The following MYRFL variants were observed in gnomAD, a reference collection of about 807,000 sequenced individuals.
The protein encoded by MYRFL is myelin regulatory factor-like protein.
Under a neutral mutation model 109.4 loss-of-function variants are expected in MYRFL, and 88 were observed. The observed-to-expected ratio is 0.80, with a 90% CI of 0.68 to 0.96. The LOEUF is 0.96. Ranked by LOEUF, MYRFL falls within the 40% of genes least tolerant of loss-of-function variation. The pLI is 0.00. For missense variants in MYRFL, 957 were observed against 954.9 expected (o/e 1.00, Z -0.03); for synonymous variants, 324 against 320.9 (o/e 1.01, Z -0.10).
chr12:69,903,011 T>C (rs766681871), intron 10 of MYRFL, among the ~76,000 whole-genome samples: 9 of 152,342 alleles, frequency 5.9e-5, no homozygotes, highest in Admixed American at 2.0e-4. Flanking sequence ...TCAGTGTCAA[T>C]AAAATGAGGA....
At chr12:69,936,671 C>A (rs753472806) in intron 19 of MYRFL, 39 bp downstream of exon 19, 3 of 1,435,826 alleles carry the variant, frequency 2.1e-6, no homozygotes, top group Non-Finnish European at 2.7e-6. Context: ...GAGCTTTGAA[C>A]TTGAGGTTGT....
At chr12:69,904,016 ATTGT>A in intron 11 of MYRFL, 172 bp downstream of exon 11, 1 of 573,734 alleles carries the variant, frequency 1.7e-6, no homozygotes, top group East Asian at 3.0e-5. Flanking sequence ...CTCTGCTGAA[ATTGT>A]AAAGCAGTTC....
chr12:69,874,370 G>A (rs1885532512), intron 2 of MYRFL, among the ~76,000 whole-genome samples: 1 of 152,044 alleles, frequency 6.6e-6, no homozygotes, highest in African/African-American at 2.4e-5. Flanking sequence ...TAGAAACAGG[G>A]TCTTCCCATG....
chr12:69,872,176 C>T (rs1885393076), intron 2 of MYRFL, among the ~76,000 whole-genome samples: 1 of 152,130 alleles, frequency 6.6e-6, no homozygotes, highest in Non-Finnish European at 1.5e-5. Context: ...ATTTTGAAGT[C>T]AGTTTTAGCT....
intron 13 of MYRFL, among the ~76,000 whole-genome samples, chr12:69,923,351 G>A (rs1453481945): frequency 6.6e-6 from 1 of 152,160 alleles, no homozygotes; most frequent in South Asian, 2.1e-4. Context: ...CTACAATGAG[G>A]AGTCTTCATG....
intron 19 of MYRFL, among the ~76,000 whole-genome samples, chr12:69,940,733 A>T (rs1457140880): frequency 1.4e-5 from 2 of 147,478 alleles, no homozygotes; most frequent in Non-Finnish European, 3.0e-5. Context: ...AAAGACACAG[A>T]CTGGCAAATT....
chr12:69,862,102 A>G (rs1226590169), intron 2 of MYRFL, among the ~76,000 whole-genome samples: 18 of 147,084 alleles, frequency 1.2e-4, no homozygotes, highest in African/African-American at 3.3e-4. Context: ...TGTTCCATTG[A>G]TCTATATCTC....
At chr12:69,891,645 C>CTTTCTTTCTTTCTTTCT (rs1566002400) in intron 7 of MYRFL, among the ~76,000 whole-genome samples, 1 of 88,608 alleles carries the variant, frequency 1.1e-5, no homozygotes, top group Non-Finnish European at 2.2e-5. Context: ...CTTTTTCTTT[C>CTTTCTTTCTTTCTTTCT]TTTCTTTCTT....
At chr12:69,922,667 A>T (rs907178755) in intron 13 of MYRFL, among the ~76,000 whole-genome samples, 2 of 152,234 alleles carry the variant, frequency 1.3e-5, no homozygotes, top group Non-Finnish European at 2.9e-5. Context: ...TTTCTGAAAG[A>T]AAAATGACCT....
At chr12:69,865,500 C>T (rs1007930027) in intron 2 of MYRFL, among the ~76,000 whole-genome samples, 3 of 152,004 alleles carry the variant, frequency 2.0e-5, no homozygotes, top group African/African-American at 4.8e-5. Context: ...ATCTATGAAC[C>T]ATCTTGGGGA....
At chr12:69,881,869 C>T (rs779178872) in intron 5 of MYRFL, among the ~76,000 whole-genome samples, 1 of 152,220 alleles carries the variant, frequency 6.6e-6, no homozygotes. Context: ...GGGATCCCCA[C>T]ATCTAGCCTG....
chr12:69,835,599 G>A (rs1245769569), intron 1 of MYRFL, among the ~76,000 whole-genome samples: 1 of 152,204 alleles, frequency 6.6e-6, no homozygotes, highest in Non-Finnish European at 1.5e-5. Context: ...TGTATATGTA[G>A]TGGATTCCGT....
chr12:69,894,226 G>A (rs11177936), intron 8 of MYRFL, among the ~76,000 whole-genome samples: 24,093 of 151,930 alleles, frequency 0.16, 2,466 homozygotes, highest in African/African-American at 0.29. Flanking sequence ...TTGAATTCCT[G>A]AACTCAGGTG....
intron 1 of MYRFL, among the ~76,000 whole-genome samples, chr12:69,851,087 T>C (rs192549436): frequency 6.6e-6 from 1 of 152,302 alleles, no homozygotes; most frequent in Admixed American, 6.5e-5. Flanking sequence ...ACATATACAA[T>C]TTGAATTTAA....
At chr12:69,884,029 G>C (rs890631492) in intron 5 of MYRFL, among the ~76,000 whole-genome samples, 1 of 152,170 alleles carries the variant, frequency 6.6e-6, no homozygotes, top group Non-Finnish European at 1.5e-5. Context: ...TTGACAGGGG[G>C]CATGTAGGTG....
intron 7 of MYRFL, among the ~76,000 whole-genome samples, chr12:69,893,184 A>T (rs181291623): frequency 1.6e-4 from 24 of 152,362 alleles, no homozygotes; most frequent in Admixed American, 4.6e-4. Flanking sequence ...TTACAATGTG[A>T]ATACCCACCA....
intron 13 of MYRFL, among the ~76,000 whole-genome samples, chr12:69,912,225 C>A (rs1275461799): frequency 1.3e-5 from 2 of 152,210 alleles, no homozygotes; most frequent in Non-Finnish European, 2.9e-5. Context: ...CTCTCCCAGA[C>A]CTGGGCTATC....
chr12:69,840,692 G>A (rs1240260), intron 1 of MYRFL, among the ~76,000 whole-genome samples: 115,413 of 152,142 alleles, frequency 0.76, 44,957 homozygotes, highest in Non-Finnish European at 0.86. Context: ...CTAATCTGCC[G>A]GTCAGGCAGC....
intron 13 of MYRFL, among the ~76,000 whole-genome samples, chr12:69,920,287 T>TA (rs1408075544): frequency 6.6e-6 from 1 of 152,172 alleles, no homozygotes; most frequent in African/African-American, 2.4e-5. Flanking sequence ...CATGGACATT[T>TA]CCCAATATGA....
Sources: allele counts gnomAD v4.1 joint callset (sites outside exome capture counted in the v4.1 genomes callset), GRCh38; gene constraint gnomAD v4.1.1; transcripts MANE v1.5; gene names NCBI Gene and HGNC (gene_info 2026-07-23, HGNC 2026-07-21).